The following ZNF846 variants were observed in gnomAD, a reference collection of about 807,000 sequenced individuals.
The protein encoded by ZNF846 is zinc finger protein 846, also known as zinc finger protein 420 pseudogene.
In ZNF846, 15 loss-of-function variants were observed where a neutral mutation model predicts 16.0. The ratio of observed to expected loss-of-function variants is 0.94; its 90% CI spans 0.63 to 1.45. ZNF846 has a LOEUF of 1.45. Among genes scored for constraint, ZNF846 ranks in the 40% most tolerant of loss-of-function variants. The probability of loss-of-function intolerance (pLI) is 0.00; values close to 1 mark genes in which losing one functional copy is unlikely to be tolerated. For missense variants in ZNF846, 714 were observed against 622.3 expected (o/e 1.15, Z -1.57); for synonymous variants, 229 against 212.0 (o/e 1.08, Z -0.70).
chr19:9,763,557 T>A (rs1476280423), intron 2 of ZNF846, 149 bp from the exon 3 acceptor site: 3 of 584,470 alleles, frequency 5.1e-6, no homozygotes, highest in Non-Finnish European at 5.6e-6. Context: ...TGTCTTGCAA[T>A]GGCATCCAAT....
downstream of ZNF846, among the ~76,000 whole-genome samples, chr19:9,754,546 C>T (rs1260923257): frequency 1.8e-5 from 2 of 108,124 alleles, no homozygotes; most frequent in African/African-American, 4.5e-5. Context: ...GCCTGGGCGA[C>T]AGAGCGAGAC....
At chr19:9,776,207 C>T (rs539901676) in intron 1 of ZNF846, among the ~76,000 whole-genome samples, 53 of 152,184 alleles carry the variant, frequency 3.5e-4, no homozygotes, top group African/African-American at 1.2e-3. Flanking sequence ...TCCTTTTCCC[C>T]GGGGGGGTTT....
chr19:9,758,596 T>C (rs1207725814), exon 6 of ZNF846: 1 of 1,612,802 alleles, frequency 6.2e-7, no homozygotes, highest in Non-Finnish European at 8.5e-7. Flanking sequence ...TGACTTTTCT[T>C]GTAAAAACTA....
exon 2 of ZNF846, chr19:9,765,025 GA>G: frequency 6.5e-7 from 1 of 1,541,072 alleles, no homozygotes; most frequent in Non-Finnish European, 9.0e-7. Context: ...AAGTGTCCTG[GA>G]AAAAATGACC....
At chr19:9,784,676 G>A (rs562752730) in intron 1 of ZNF846, among the ~76,000 whole-genome samples, 2 of 152,212 alleles carry the variant, frequency 1.3e-5, no homozygotes, top group African/African-American at 4.8e-5. Flanking sequence ...CATATCTCAG[G>A]CTGTCTCAGT....
intron 1 of ZNF846, among the ~76,000 whole-genome samples, chr19:9,784,211 A>C (rs1437934776): frequency 6.6e-6 from 1 of 152,214 alleles, no homozygotes; most frequent in Admixed American, 6.5e-5. Context: ...CTGCACCGGC[A>C]CTGGTCTCTG....
intron 1 of ZNF846, among the ~76,000 whole-genome samples, chr19:9,784,015 T>C (rs1341975820): frequency 1.3e-5 from 2 of 152,186 alleles, no homozygotes; most frequent in South Asian, 2.1e-4. Context: ...ATAATGGTGA[T>C]TTTTTTTCCT....
At chr19:9,779,236 C>T (rs2045476734) in intron 1 of ZNF846, among the ~76,000 whole-genome samples, 2 of 152,192 alleles carry the variant, frequency 1.3e-5, no homozygotes, top group African/African-American at 4.8e-5. Context: ...AGAAATGTTA[C>T]TTCCAGAAGT....
Position 9,765,947 on chromosome 19 carries a change from T to C in ZNF846, c.-85-912A>G, listed in dbSNP as rs545556462. ...ACAAATAAATATACATATATATATA[T>C]ACACATATATGAAAACAAAGAATAA... is the stretch of plus-strand genomic sequence containing the variant. On this transcript the variant is annotated intron_variant, in intron 1 of 5. Transcript: ENST00000397902. Among the ~76,000 whole-genome samples the C allele has an allele frequency of 8.9e-4, 136 of 152,042 alleles. 1 individual carries two copies. In the East Asian group the frequency reaches 9.6e-3, roughly 11 times the overall value.
At chr19:9,775,193 A>ATGTG (rs113690294) in intron 1 of ZNF846, among the ~76,000 whole-genome samples, 10,994 of 149,350 alleles carry the variant, frequency 0.074, 476 homozygotes, top group South Asian at 0.17. Flanking sequence ...GTGTATATAT[A>ATGTG]TGTGTGTGTG....
At chr19:9,762,201 A>T (rs1389196727) in intron 3 of ZNF846, 33 bp from the exon 4 acceptor site, 1 of 1,551,386 alleles carries the variant, frequency 6.4e-7, no homozygotes, top group Non-Finnish European at 8.9e-7. Context: ...GAAGAGGCCC[A>T]TGCAAGACAT....
chr19:9,750,133 C>T (rs567258410), downstream of ZNF846, among the ~76,000 whole-genome samples: 9 of 152,290 alleles, frequency 5.9e-5, no homozygotes, highest in South Asian at 1.9e-3. Flanking sequence ...TCCAACTTCA[C>T]ATTACTGATA....
intron 3 of ZNF846, 81 bp from the exon 4 acceptor site, chr19:9,762,249 C>G: frequency 9.4e-7 from 1 of 1,061,102 alleles, no homozygotes; most frequent in South Asian, 1.3e-5. Context: ...ATACTTTTGC[C>G]TTCGGGGATT....
intron 1 of ZNF846, among the ~76,000 whole-genome samples, chr19:9,779,099 A>C (rs748450998): frequency 1.3e-5 from 2 of 152,140 alleles, no homozygotes; most frequent in Non-Finnish European, 2.9e-5. Flanking sequence ...GGGTTAGATT[A>C]ATATCCACTT....
At chr19:9,750,271 C>T (rs911443440), downstream of ZNF846, among the ~76,000 whole-genome samples, 1 of 152,194 alleles carries the variant, frequency 6.6e-6, no homozygotes, top group East Asian at 1.9e-4. Flanking sequence ...CTCCTGACCC[C>T]TCCTCTTGCT....
downstream of ZNF846, among the ~76,000 whole-genome samples, chr19:9,754,234 C>T (rs1339218713): frequency 6.6e-6 from 1 of 151,290 alleles, no homozygotes; most frequent in Non-Finnish European, 1.5e-5. Context: ...GATCTTTTTC[C>T]ATTATTTAAC....
In ZNF846 at chr19:9,758,783, T is replaced by C; in HGVS notation, c.313-19A>G. ...TTCTCTCCTGTTGAGATATAAAAGA[T>C]GAATAAAGAATTTCTCACATTCAGT... On this transcript the variant is annotated intron_variant, in intron 5 of 5. Coordinates refer to ENST00000397902, the Ensembl canonical transcript of ZNF846. 6.6e-7 allele frequency: 1 copy of C among 1,516,078 alleles called. No individual in the cohort carries two copies. The highest frequency in any genetic ancestry group is 8.8e-7 in the Non-Finnish European group (1 of 1,132,790). The allele number at this position is 1,516,078 out of a possible 1,614,324, so 93.9% of individuals were successfully genotyped here.
At chr19:9,758,614 A>T in exon 6 of ZNF846, 3 of 1,613,080 alleles carry the variant, frequency 1.9e-6, no homozygotes, top group African/African-American at 2.7e-5. Context: ...CTATGAGGAA[A>T]GTTCTTTCTT....
chr19:9,777,383 G>C (rs148653674), intron 1 of ZNF846, among the ~76,000 whole-genome samples: 3 of 151,952 alleles, frequency 2.0e-5, no homozygotes, highest in African/African-American at 7.2e-5. Flanking sequence ...GGAAAAACTT[G>C]AGTTTGGAGC....
Sources: gnomAD v4.1 joint callset for allele counts (sites outside exome capture counted in the v4.1 genomes callset) on GRCh38, gnomAD v4.1.1 for gene constraint, MANE v1.5 for transcripts, NCBI Gene and HGNC (gene_info 2026-07-23, HGNC 2026-07-21) for gene names.